The following OR2AG1 variants were observed in gnomAD, a reference collection of about 807,000 sequenced individuals.
OR2AG1 encodes the protein olfactory receptor 2AG1.
For synonymous variants in OR2AG1, 157 were observed against 155.6 expected (o/e 1.01, Z -0.07); for missense variants, 391 against 385.9 (o/e 1.01, Z -0.11).
Position 6,785,606 on chromosome 11 carries a change from C to G in OR2AG1, c.569C>G (p.Ala190Gly), listed in dbSNP as rs767360265. ...CCACACTTGCTGAAGGTGGCCTGTG[C>G]TGATACCTCCAGATATGAGCTCATG... Reference protein sequence around the residue: ...EIPHLLKVACADTSRYELMVY... With the variant: ...EIPHLLKVACGDTSRYELMVY... Residue 190 changes from alanine to glycine, a missense_variant, in exon 2 of 2, where the codon GCT becomes GGT. By Grantham distance (60) the Ala-to-Gly change is moderately conservative (BLOSUM62 0). Transcript: ENST00000641258. The G allele has an allele frequency of 1.9e-6, 3 of 1,614,032 alleles. No homozygotes were observed. In the African/African-American group the frequency reaches 4.0e-5, roughly 22 times the overall value.
Position 6,786,194 on chromosome 11 carries a change from T to G in OR2AG1, c.*206T>G. ...AGGGCATGATTTACACTATCTAAAA[T>G]TACTCTTCACTCTATTTAAAATTTA... On this transcript the variant is annotated 3_prime_UTR_variant, in exon 2 of 2. Transcript: ENST00000641258. 1 of 490,478 alleles carries G rather than the reference T, an allele frequency of 2.0e-6. No individual in the cohort carries two copies. Among genetic ancestry groups the G allele is most frequent in the Non-Finnish European group, 3.5e-6 (1 of 281,956 alleles). 30.4% of individuals were successfully genotyped at this position (490,478 alleles called of 1,614,324 possible). A position where few individuals can be genotyped will look rare whatever the true frequency, so the allele number is the denominator to read the frequency against.
rs1204551541 is a variant in OR2AG1 at position 6,789,537 on chromosome 11, G to A, written c.*3549G>A. The A allele has an allele frequency of 6.6e-6, 1 of 152,440 alleles. No individual in the cohort carries two copies. Among genetic ancestry groups the A allele is most frequent in the Admixed American group, 6.6e-5 (1 of 15,264 alleles). 9.4% of individuals were successfully genotyped at this position (152,440 alleles called of 1,614,324 possible). On this transcript the variant is annotated 3_prime_UTR_variant, in exon 2 of 2. Transcript: ENST00000641258. ...GTGATGGTGGATGCCTGTAATTCCAGCTACACAGGAGGCTGAGGCAGGAGA... is the reference window on the plus strand; with the variant it reads ...GTGATGGTGGATGCCTGTAATTCCAACTACACAGGAGGCTGAGGCAGGAGA...
rs761127328 is a variant in OR2AG1, at chr11:6,785,997, C to G, written c.*9C>G. 312 of 1,589,186 alleles carry G rather than the reference C, an allele frequency of 2.0e-4. 3 individuals carry two copies. The highest frequency in any genetic ancestry group is 8.6e-7 in the Non-Finnish European group (1 of 1,166,560). ...CACACTCCACGCTCTAGGGAAGGAT[C>G]ATGGCTAGCTTCCAGAATTCCTTCT... On this transcript the variant is annotated 3_prime_UTR_variant, in exon 2 of 2. Transcript: ENST00000641258.
In OR2AG1 at chr11:6,783,182, ATCT is replaced by A. The variant is rs1294820935; in HGVS notation, c.-304_-302del. 2 of 152,348 alleles carry A rather than the reference ATCT, an allele frequency of 1.3e-5. No individual in the cohort carries two copies. The highest frequency in any genetic ancestry group is 1.9e-4 in the East Asian group (1 of 5,186). 9.4% of individuals were successfully genotyped at this position (152,348 alleles called of 1,614,324 possible). On this transcript the variant is annotated 5_prime_UTR_variant, in exon 1 of 2. Transcript: ENST00000641258. Reference sequence around the variant, plus strand: ...TCACAGGCGTGAGAACAAGAAAGTAATCTTCTTCCTATATAGGAAACTACCCAA... The same window carrying A: ...TCACAGGCGTGAGAACAAGAAAGTAATCTTCCTATATAGGAAACTACCCAA...
At position 6,789,430 on chromosome 11, in the gene OR2AG1, G is replaced by A. The variant is rs1401670699; in HGVS notation, c.*3442G>A. 3 of 152,056 alleles carry A rather than the reference G, an allele frequency of 2.0e-5. No individual in the cohort carries two copies. Among genetic ancestry groups the A allele is most frequent in the African/African-American group, 7.2e-5 (3 of 41,404 alleles). 9.4% of individuals were successfully genotyped at this position (152,056 alleles called of 1,614,324 possible). ...CTGAGTAATTTCATCCACTTACATA[G>A]ATTTAAGTTCTGTCCATATGCTTTT... On this transcript the variant is annotated 3_prime_UTR_variant, in exon 2 of 2. Coordinates refer to ENST00000641258, the MANE Select transcript of OR2AG1 (RefSeq NM_001004489.3).
Position 6,785,835 on chromosome 11 carries a change from C to G in OR2AG1, c.798C>G (p.His266Gln). ...TGTATGTCTTGCCCAGTTCCTTCCA[C>G]AGCACCAGACAAGACAACATCATCT... The part of the protein sequence containing the change: ...TFMYVLPSSF[H>Q]STRQDNIISV... Residue 266 changes from histidine (H) to glutamine (Q), a missense_variant, in exon 2 of 2, where the codon CAC (histidine) becomes CAG (glutamine). By Grantham distance (24) the His-to-Gln change is conservative. Transcript: ENST00000641258. The G allele has an allele frequency of 1.9e-6, 3 of 1,614,178 alleles. No individual in the cohort carries two copies. The highest frequency in any genetic ancestry group is 2.5e-6 in the Non-Finnish European group (3 of 1,180,026).
Position 6,789,674 on chromosome 11 carries a change from C to CAAAA in OR2AG1, c.*3690_*3693dup, listed in dbSNP as rs869170898. On this transcript the variant is annotated 3_prime_UTR_variant, in exon 2 of 2. Transcript: ENST00000641258. Reference sequence around the variant, plus strand: ...CTCAGAAAACAAACAAACAAACAAACAAAAAAACAAAAAACAACGAGATAT... The same window carrying CAAAA: ...CTCAGAAAACAAACAAACAAACAAACAAAAAAAAAAACAAAAAACAACGAGATAT... 2 of 129,672 alleles carry CAAAA rather than the reference C, an allele frequency of 1.5e-5. No homozygotes were observed. The highest frequency in any genetic ancestry group is 6.0e-5 in the African/African-American group (2 of 33,112). 8.0% of individuals were successfully genotyped at this position (129,672 alleles called of 1,614,324 possible). A position where few individuals can be genotyped will look rare whatever the true frequency, so the allele number is the denominator to read the frequency against.
In OR2AG1 at chr11:6,791,169, C is replaced by G. The variant is rs1446949465; in HGVS notation, c.*5181C>G. 1 of 150,564 alleles carries G rather than the reference C, an allele frequency of 6.6e-6. No individual in the cohort carries two copies. The highest frequency in any genetic ancestry group is 1.5e-5 in the Non-Finnish European group (1 of 67,018). The allele number at this position is 150,564 out of a possible 1,614,324, so 9.3% of individuals were successfully genotyped here. A position where few individuals can be genotyped will look rare whatever the true frequency, so the allele number is the denominator to read the frequency against. The stretch of plus-strand genomic sequence containing the variant: ...TCTCCAGTCCTTGAGGATCTGAAGG[C>G]CTATGTGTGACTGATATTTGGTGGA... On this transcript the variant is annotated 3_prime_UTR_variant, in exon 2 of 2. Coordinates refer to ENST00000641258, the MANE Select transcript of OR2AG1 (RefSeq NM_001004489.3).
chr11:6,788,632 C>T lies in OR2AG1; in HGVS notation c.*2644C>T, dbSNP rs925244015. ...CAATACTCAGCCTTGCCTTCCTGAA[C>T]ATGGTGCATGACTATACTTCTGGAA... On this transcript the variant is annotated 3_prime_UTR_variant, in exon 2 of 2. Transcript: ENST00000641258. 2.0e-5 allele frequency: 3 copies of T among 152,152 alleles called. No homozygotes were observed. The highest frequency in any genetic ancestry group is 7.2e-5 in the African/African-American group (3 of 41,428). The allele number at this position is 152,152 out of a possible 1,614,324, so 9.4% of individuals were successfully genotyped here.
At position 6,786,115 on chromosome 11, in the gene OR2AG1, T is replaced by C. The variant is rs1052646007; in HGVS notation, c.*127T>C. 2.9e-6 allele frequency: 2 copies of C among 691,500 alleles called. No homozygotes were observed. Among genetic ancestry groups the C allele is most frequent in the Non-Finnish European group, 4.7e-6 (2 of 423,838 alleles). 42.8% of individuals were successfully genotyped at this position (691,500 alleles called of 1,614,324 possible). ...AGCATTTAATAGAAAAGTGAAGGAA[T>C]GTAACTGGATTTGTCAAATGCTCTT... On this transcript the variant is annotated 3_prime_UTR_variant, in exon 2 of 2. Transcript: ENST00000641258.
Position 6,791,057 on chromosome 11 carries a change from G to C in OR2AG1, c.*5069G>C, listed in dbSNP as rs1847684161. 6.6e-6 allele frequency: 1 copy of C among 152,212 alleles called. No homozygotes were observed. Among genetic ancestry groups the C allele is most frequent in the Non-Finnish European group, 1.5e-5 (1 of 68,036 alleles). The allele number at this position is 152,212 out of a possible 1,614,324, so 9.4% of individuals were successfully genotyped here. A position where few individuals can be genotyped will look rare whatever the true frequency, so the allele number is the denominator to read the frequency against. On this transcript the variant is annotated 3_prime_UTR_variant, in exon 2 of 2. Transcript: ENST00000641258. ...GTTTTGCAAGAACAAAGGCCAAGGA[G>C]ATGCACTTGTGTCTTGGTGAGTAGC...
intron 1 of OR2AG1, among the ~76,000 whole-genome samples, chr11:6,784,712 T>G (rs181019809): frequency 1.0e-3 from 158 of 152,368 alleles, no homozygotes; most frequent in Non-Finnish European, 1.0e-3. Context: ...GGCAGAATAT[T>G]TCTTTAATCT....
In OR2AG1 at chr11:6,785,453, GA is replaced by G. The variant is rs756002904; in HGVS notation, c.417del (p.Ala140ProfsTer15). ...ACATACATGACCCTCATGAGCTCAA[GA>G]GCCTGCTGGCTCATGGTGGCCACGT... ...PLTYMTLMSS[R>X]ACWLMVATSW... is the part of the protein sequence containing the mutation. On this transcript the variant is annotated frameshift_variant, in exon 2 of 2. Coordinates refer to ENST00000641258, the MANE Select transcript of OR2AG1 (RefSeq NM_001004489.3). LOFTEE classifies it low-confidence loss of function (END_TRUNC). The G allele has an allele frequency of 1.9e-6, 3 of 1,614,136 alleles. No individual in the cohort carries two copies. The South Asian group carries it at 3.3e-5, about 18-fold the overall frequency.
At position 6,784,967 on chromosome 11, in the gene OR2AG1, A is replaced by G. The variant is rs556544520; in HGVS notation, c.-20-51A>G. ...GTCCTAAGAAGCCTCTGATATTTCA[A>G]AACTAGAGTTCATCTTAGCAAAAAT... On this transcript the variant is annotated intron_variant, in intron 1 of 1. Coordinates refer to ENST00000641258, the MANE Select transcript of OR2AG1 (RefSeq NM_001004489.3). 2.7e-5 allele frequency: 26 copies of G among 964,146 alleles called. No individual in the cohort carries two copies. In the South Asian group the frequency reaches 3.0e-4, roughly 11 times the overall value. 59.7% of individuals were successfully genotyped at this position (964,146 alleles called of 1,614,324 possible).
chr11:6,785,297 G>A lies in OR2AG1; in HGVS notation c.260G>A (p.Arg87His), dbSNP rs191724861. 59 of 1,614,020 alleles carry A rather than the reference G, an allele frequency of 3.7e-5. No individual in the cohort carries two copies. Among genetic ancestry groups the A allele is most frequent in the Middle Eastern group, 1.6e-4 (1 of 6,082 alleles). Residue 87 changes from arginine (R) to histidine (H), a missense_variant, in exon 2 of 2, where the codon CGC becomes CAC. Transcript: ENST00000641258. ...CCCAAGGCCCTTGCGGACTTTCTGC[G>A]CAGAGAAAACACCATCTCCTTTGGA... ...VTPKALADFL[R>H]RENTISFGGC...
In OR2AG1 at chr11:6,790,425, AGTAT is replaced by A. The variant is rs1455966623; in HGVS notation, c.*4441_*4444del. 6.6e-6 allele frequency: 1 copy of A among 152,196 alleles called. No individual in the cohort carries two copies. Among genetic ancestry groups the A allele is most frequent in the Non-Finnish European group, 1.5e-5 (1 of 68,042 alleles). The allele number at this position is 152,196 out of a possible 1,614,324, so 9.4% of individuals were successfully genotyped here. A position where few individuals can be genotyped will look rare whatever the true frequency, so the allele number is the denominator to read the frequency against. On this transcript the variant is annotated 3_prime_UTR_variant, in exon 2 of 2. Coordinates refer to ENST00000641258, the MANE Select transcript of OR2AG1 (RefSeq NM_001004489.3). ...TCACAACACACACGCACAGAGGGTA[AGTAT>A]GTAAGGTGATTGATATGTTGCTCTG...
At chr11:6,784,560 A>T (rs1847602707) in intron 1 of OR2AG1, among the ~76,000 whole-genome samples, 1 of 152,190 alleles carries the variant, frequency 6.6e-6, no homozygotes, top group African/African-American at 2.4e-5. Context: ...ACTGCAAACA[A>T]ATGTGGCTGT....
At chr11:6,784,554 C>A (rs1211500963) in intron 1 of OR2AG1, among the ~76,000 whole-genome samples, 1 of 152,150 alleles carries the variant, frequency 6.6e-6, no homozygotes, top group Non-Finnish European at 1.5e-5. Context: ...TTGAGTACTG[C>A]AAACAAATGT....
Position 6,785,884 on chromosome 11 carries a change from C to G in OR2AG1, c.847C>G (p.Pro283Ala), listed in dbSNP as rs759637268. 6.2e-7 allele frequency: 1 copy of G among 1,614,122 alleles called. No individual in the cohort carries two copies. The highest frequency in any genetic ancestry group is 8.5e-7 in the Non-Finnish European group (1 of 1,180,010). ...IISVFYTIVT[P>A]ALNPLIYSLR... ...CTCTGTTTTCTACACAATTGTCACT[C>G]CAGCCCTGAATCCACTCATCTACAG... Residue 283 changes from proline (P) to alanine (A), a missense_variant, in exon 2 of 2, where the codon CCA becomes GCA. By Grantham distance (27) the Pro-to-Ala change is conservative. Coordinates refer to ENST00000641258, the MANE Select transcript of OR2AG1 (RefSeq NM_001004489.3).
Sources: allele counts gnomAD v4.1 joint callset (sites outside exome capture counted in the v4.1 genomes callset), GRCh38; gene constraint gnomAD v4.1.1; transcripts MANE v1.5; gene names NCBI Gene and HGNC (gene_info 2026-07-23, HGNC 2026-07-21).